The following GLRA3 variants were observed in gnomAD, a reference collection of about 807,000 sequenced individuals.
The protein encoded by GLRA3 is glycine receptor alpha 3.
In GLRA3, 44 loss-of-function variants were observed where a neutral mutation model predicts 60.4. The observed-to-expected ratio is 0.73, with a 90% CI of 0.57 to 0.94. The LOEUF is 0.94. GLRA3 is among the 40% of genes least tolerant of loss of function. The pLI is 0.00. For synonymous variants in GLRA3, 223 were observed against 192.9 expected, an observed-to-expected ratio of 1.16 and a Z score of -1.29; for missense variants, 508 against 564.6, an observed-to-expected ratio of 0.90 and a Z score of 1.02.
intron 3 of GLRA3, among the ~76,000 whole-genome samples, chr4:174,744,456 A>G (rs1313830084): frequency 6.6e-6 from 1 of 152,198 alleles, no homozygotes; most frequent in African/African-American, 2.4e-5. Flanking sequence ...AGACTGGCCC[A>G]CCTGGCGTCC....
At chr4:174,781,218 G>A (rs1285387977) in intron 2 of GLRA3, among the ~76,000 whole-genome samples, 1 of 151,532 alleles carries the variant, frequency 6.6e-6, no homozygotes, top group East Asian at 1.9e-4. Context: ...ATGACTACTG[G>A]GTACATAACG....
intron 5 of GLRA3, among the ~76,000 whole-genome samples, chr4:174,702,908 G>C (rs1389821692): frequency 2.6e-5 from 4 of 152,118 alleles, no homozygotes; most frequent in African/African-American, 9.7e-5. Flanking sequence ...CACATTTAAT[G>C]AGTTACACAT....
At chr4:174,720,695 C>G (rs972144994) in intron 4 of GLRA3, among the ~76,000 whole-genome samples, 1 of 152,122 alleles carries the variant, frequency 6.6e-6, no homozygotes, top group African/African-American at 2.4e-5. Flanking sequence ...ATGAGAACAT[C>G]TTTCAAAGAG....
chr4:174,782,939 G>A (rs1738951393), intron 2 of GLRA3, among the ~76,000 whole-genome samples: 1 of 152,068 alleles, frequency 6.6e-6, no homozygotes, highest in South Asian at 2.1e-4. Context: ...AGCTACCAAT[G>A]ACTTTCTTCA....
intron 1 of GLRA3, among the ~76,000 whole-genome samples, chr4:174,819,256 A>G (rs948264339): frequency 3.3e-5 from 5 of 152,198 alleles, no homozygotes; most frequent in Non-Finnish European, 7.4e-5. Context: ...AAAATTTTGT[A>G]ACAGAGAAAA....
At chr4:174,667,603 C>T (rs551676327) in intron 7 of GLRA3, among the ~76,000 whole-genome samples, 2 of 152,190 alleles carry the variant, frequency 1.3e-5, no homozygotes, top group South Asian at 4.1e-4. Context: ...CCAGGTAGTG[C>T]TTTGAAGCAC....
At chr4:174,806,354 A>G (rs763769744) in intron 1 of GLRA3, among the ~76,000 whole-genome samples, 5 of 152,130 alleles carry the variant, frequency 3.3e-5, no homozygotes, top group Non-Finnish European at 7.4e-5. Flanking sequence ...TAGAAGCAGA[A>G]TGTTCTATAA....
intron 2 of GLRA3, among the ~76,000 whole-genome samples, chr4:174,785,936 G>GTTTT (rs752488665): frequency 3.0e-4 from 31 of 103,456 alleles, no homozygotes; most frequent in East Asian, 2.4e-3. Flanking sequence ...TGCCTGGCTA[G>GTTTT]TTTTTTTTTT....
chr4:174,684,765 T>C (rs1734490192), intron 5 of GLRA3, among the ~76,000 whole-genome samples: 1 of 152,166 alleles, frequency 6.6e-6, no homozygotes, highest in East Asian at 1.9e-4. Context: ...ACCAGCACTT[T>C]GGAAGGCCGA....
chr4:174,659,344 T>C (rs1431647443), intron 7 of GLRA3, 147 bp from the exon 8 acceptor site: 1 of 653,988 alleles, frequency 1.5e-6, no homozygotes, highest in Non-Finnish European at 2.5e-6. Flanking sequence ...TCTTGAAGTT[T>C]CCTTAGTTAT....
At chr4:174,683,464 C>T (rs1734435644) in intron 5 of GLRA3, among the ~76,000 whole-genome samples, 3 of 152,038 alleles carry the variant, frequency 2.0e-5, no homozygotes, top group South Asian at 2.1e-4. Flanking sequence ...GATTCTTGTG[C>T]CTCAGCCTCC....
intron 5 of GLRA3, among the ~76,000 whole-genome samples, chr4:174,691,716 T>G (rs557957552): frequency 1.3e-5 from 2 of 152,196 alleles, no homozygotes; most frequent in Admixed American, 1.3e-4. Context: ...CAGGCTGGAG[T>G]GCAGTGGCGT....
intron 7 of GLRA3, among the ~76,000 whole-genome samples, chr4:174,661,513 T>A (rs1199283677): frequency 6.6e-6 from 1 of 152,160 alleles, no homozygotes; most frequent in Non-Finnish European, 1.5e-5. Flanking sequence ...CTTATGAAGG[T>A]GCTTTTTGTG....
chr4:174,671,936 C>A (rs1471680146), intron 7 of GLRA3, among the ~76,000 whole-genome samples: 1 of 152,044 alleles, frequency 6.6e-6, no homozygotes, highest in East Asian at 1.9e-4. Context: ...CAGATGTGAG[C>A]CACCGTGCCC....
rs182363002 is a variant in GLRA3, at chr4:174,823,295, C to A, written c.71+5446G>T. Among the ~76,000 whole-genome samples, 171 of 152,178 alleles carry A rather than the reference C, an allele frequency of 1.1e-3. 2 individuals carry two copies. The highest frequency in any genetic ancestry group is 4.0e-3 in the African/African-American group (168 of 41,516). On this transcript the variant is annotated intron_variant, in intron 1 of 9. Transcript: ENST00000274093. ...CATGTACATACATATGAATTTGAGG[C>A]GGGTGGACCGCGAGGTCAGGAGATA...
chr4:174,808,148 G>T (rs1740122621), intron 1 of GLRA3, among the ~76,000 whole-genome samples: 1 of 151,974 alleles, frequency 6.6e-6, no homozygotes. Flanking sequence ...ATTTGAAAAA[G>T]CACTTAAAGC....
intron 3 of GLRA3, among the ~76,000 whole-genome samples, chr4:174,730,548 C>T (rs1230364579): frequency 1.3e-5 from 2 of 152,152 alleles, no homozygotes; most frequent in Non-Finnish European, 2.9e-5. Context: ...GTTCACCACA[C>T]TTAGGCTAAA....
At chr4:174,688,155 A>G (rs886546781) in intron 5 of GLRA3, among the ~76,000 whole-genome samples, 10 of 151,604 alleles carry the variant, frequency 6.6e-5, no homozygotes, top group African/African-American at 2.4e-4. Context: ...TTTTCAGTCT[A>G]AGTCACTGAC....
At chr4:174,768,862 C>T (rs1738261213) in intron 2 of GLRA3, among the ~76,000 whole-genome samples, 1 of 152,054 alleles carries the variant, frequency 6.6e-6, no homozygotes, top group South Asian at 2.1e-4. Context: ...TGTTATTAGG[C>T]AGATACCTGT....
Sources: allele counts gnomAD v4.1 joint callset (sites outside exome capture counted in the v4.1 genomes callset), GRCh38; gene constraint gnomAD v4.1.1; transcripts MANE v1.5; gene names NCBI Gene and HGNC (gene_info 2026-07-23, HGNC 2026-07-21).